The following LRBA variants were observed in gnomAD, a reference collection of about 807,000 sequenced individuals.
LRBA encodes lipopolysaccharide-responsive and beige-like anchor protein.
LRBA carries 176 observed loss-of-function variants against 330.0 expected under a neutral mutation model. The ratio of observed to expected loss-of-function variants is 0.53; its 90% CI spans 0.47 to 0.60. LRBA has a LOEUF of 0.60. Ranked by LOEUF, LRBA falls within the 20% of genes least tolerant of loss-of-function variation. The pLI is 0.00. For synonymous variants in LRBA, 1,230 were observed against 1,193.0 expected (o/e 1.03, Z -0.64); for missense variants, 3,259 against 3,444.8 (o/e 0.95, Z 1.35).
intron 42 of LRBA, among the ~76,000 whole-genome samples, chr4:150,476,523 C>T (rs1260391283): frequency 6.6e-6 from 1 of 152,036 alleles, no homozygotes; most frequent in African/African-American, 2.4e-5. Context: ...AAAATGAAGC[C>T]CCCTACACCA....
intron 26 of LRBA, 30 bp from the exon 27 acceptor site, chr4:150,844,809 A>C (rs1419301604): frequency 6.3e-7 from 1 of 1,584,252 alleles, no homozygotes; most frequent in East Asian, 2.2e-5. Context: ...AAAGATAGGG[A>C]AAGAAAAGTT....
intron 30 of LRBA, among the ~76,000 whole-genome samples, chr4:150,818,423 T>C (rs866784067): frequency 2.0e-5 from 3 of 151,754 alleles, no homozygotes; most frequent in Admixed American, 6.6e-5. Flanking sequence ...CACTAAAAAA[T>C]AGAAGCAACA....
intron 47 of LRBA, among the ~76,000 whole-genome samples, chr4:150,367,033 A>G (rs1187168510): frequency 3.9e-5 from 6 of 152,216 alleles, no homozygotes; most frequent in Admixed American, 3.3e-4. Flanking sequence ...TGAATTTTGC[A>G]TTAGTGAAGT....
At chr4:150,402,785 C>CTA (rs1745670573) in intron 47 of LRBA, among the ~76,000 whole-genome samples, 1 of 111,106 alleles carries the variant, frequency 9.0e-6, no homozygotes, top group Admixed American at 1.0e-4. Flanking sequence ...TTATCTATCT[C>CTA]TCTCTATATA....
At chr4:150,738,002 T>G (rs1018240484) in intron 35 of LRBA, among the ~76,000 whole-genome samples, 1 of 148,714 alleles carries the variant, frequency 6.7e-6, no homozygotes, top group Non-Finnish European at 1.5e-5. Flanking sequence ...TTTTTTTTTT[T>G]TTTTTCTGAG....
At chr4:150,771,645 A>C (rs999338392) in intron 34 of LRBA, among the ~76,000 whole-genome samples, 1 of 152,144 alleles carries the variant, frequency 6.6e-6, no homozygotes, top group African/African-American at 2.4e-5. Flanking sequence ...GCTACCAGGT[A>C]ACAGGTTGAT....
chr4:150,269,703 G>T (rs1369250239), intron 56 of LRBA, among the ~76,000 whole-genome samples: 1 of 152,136 alleles, frequency 6.6e-6, no homozygotes, highest in African/African-American at 2.4e-5. Context: ...CCATCCCTTT[G>T]GGTGGCTGAG....
intron 2 of LRBA, among the ~76,000 whole-genome samples, chr4:150,997,555 G>A (rs148912256): frequency 1.4e-3 from 216 of 152,086 alleles, no homozygotes; most frequent in Non-Finnish European, 2.2e-3. Flanking sequence ...GACTTAAGAC[G>A]ATCCTGCAAG....
intron 2 of LRBA, among the ~76,000 whole-genome samples, chr4:150,943,424 T>A (rs889425041): frequency 6.6e-6 from 1 of 152,190 alleles, no homozygotes; most frequent in South Asian, 2.1e-4. Context: ...ATAGCATTCT[T>A]CAACAGCTTT....
At chr4:150,644,100 C>G (rs116771961) in intron 37 of LRBA, among the ~76,000 whole-genome samples, 1 of 151,740 alleles carries the variant, frequency 6.6e-6, no homozygotes, top group Non-Finnish European at 1.5e-5. Flanking sequence ...AAAAGAGAAA[C>G]GTAGACTTTA....
At chr4:150,311,061 T>C (rs1206380951) in intron 51 of LRBA, 1 of 152,198 alleles carries the variant, frequency 6.6e-6, no homozygotes, top group Non-Finnish European at 1.5e-5. Context: ...TGTTTCAAAG[T>C]GCTACGGTGC....
chr4:150,735,397 T>C (rs1487004615), intron 35 of LRBA, 31 bp from the exon 36 acceptor site: 7 of 1,314,680 alleles, frequency 5.3e-6, no homozygotes, highest in Non-Finnish European at 7.7e-6. Context: ...CAAATAAATA[T>C]ATGTATACAC....
intron 36 of LRBA, among the ~76,000 whole-genome samples, chr4:150,704,053 T>C (rs202132993): frequency 2.0e-5 from 3 of 151,410 alleles, no homozygotes; most frequent in Non-Finnish European, 4.4e-5. Flanking sequence ...CAAAAAAAAA[T>C]TTTTTTAATG....
chr4:150,832,150 CAA>C (rs1480358981), intron 28 of LRBA, among the ~76,000 whole-genome samples, 174 bp from the exon 29 acceptor site: 2 of 152,078 alleles, frequency 1.3e-5, no homozygotes, highest in Non-Finnish European at 2.9e-5. Context: ...AAACATTAGG[CAA>C]AGACTCTTAG....
intron 2 of LRBA, among the ~76,000 whole-genome samples, chr4:150,956,859 T>C (rs1348174802): frequency 1.3e-5 from 2 of 149,186 alleles, no homozygotes; most frequent in Non-Finnish European, 2.9e-5. Flanking sequence ...GAAAGAAACT[T>C]CTTCAACCTG....
intron 44 of LRBA, among the ~76,000 whole-genome samples, chr4:150,451,747 T>C (rs968975632): frequency 1.3e-5 from 2 of 151,714 alleles, no homozygotes; most frequent in African/African-American, 2.4e-5. Context: ...GAAAAATAAA[T>C]AAAATCTCTA....
intron 2 of LRBA, among the ~76,000 whole-genome samples, chr4:150,945,468 G>A (rs934122195): frequency 2.6e-5 from 4 of 152,146 alleles, no homozygotes; most frequent in Non-Finnish European, 4.4e-5. Flanking sequence ...AGTATTTACA[G>A]TATGACCACA....
intron 40 of LRBA, chr4:150,581,635 T>G (rs971808240): frequency 2.5e-5 from 4 of 157,872 alleles, no homozygotes; most frequent in Non-Finnish European, 5.6e-5. Context: ...CTATATAAAC[T>G]CTTTTTCTTC....
intron 23 of LRBA, among the ~76,000 whole-genome samples, chr4:150,851,562 A>C (rs1469936581): frequency 1.3e-5 from 2 of 152,238 alleles, no homozygotes; most frequent in East Asian, 1.9e-4. Flanking sequence ...CTAATGTACT[A>C]GGATTGGGTT....
Sources: gnomAD v4.1 joint callset for allele counts (sites outside exome capture counted in the v4.1 genomes callset) on GRCh38, gnomAD v4.1.1 for gene constraint, MANE v1.5 for transcripts, NCBI Gene and HGNC (gene_info 2026-07-23, HGNC 2026-07-21) for gene names.